The following RNF216 variants were observed in gnomAD, a reference collection of about 807,000 sequenced individuals.
The protein encoded by RNF216 is ring finger protein 216.
In RNF216, 72 loss-of-function variants were observed where a neutral mutation model predicts 110.8. That is an observed-to-expected ratio of 0.65 (90% CI 0.54 to 0.79). The LOEUF (loss-of-function observed/expected upper bound fraction) is 0.79. Among genes scored for constraint, RNF216 ranks in the 30% least tolerant of loss-of-function variants. The probability of loss-of-function intolerance (pLI) is 0.00; values close to 1 mark genes in which losing one functional copy is unlikely to be tolerated. For missense variants in RNF216, 1,342 were observed against 1,141.2 expected, an observed-to-expected ratio of 1.18 and a Z score of -2.54; for synonymous variants, 495 against 407.5, an observed-to-expected ratio of 1.21 and a Z score of -2.59.
At chr7:5,651,956 A>G (rs545597973) in intron 14 of RNF216, among the ~76,000 whole-genome samples, 66 of 152,198 alleles carry the variant, frequency 4.3e-4, no homozygotes, top group Non-Finnish European at 7.9e-4. Flanking sequence ...CTGCATTTTA[A>G]TAAGTGAGTA....
In RNF216 at chr7:5,648,454, G is replaced by A. The variant is rs868201258; in HGVS notation, c.2159+3959C>T. On this transcript the variant is annotated intron_variant, in intron 14 of 16. Transcript: ENST00000389902. ...AAAATTGAAGGGACAGGCCAGGCAC[G>A]GTGGCTCACACCTGTAATCCCAGCA... is the stretch of plus-strand genomic sequence containing the variant. Among the ~76,000 whole-genome samples the A allele has an allele frequency of 8.6e-5, 13 of 151,368 alleles. No homozygotes were observed. In the South Asian group the frequency reaches 2.3e-3, roughly 27 times the overall value.
At chr7:5,660,948 T>TTTTTGTTTTTG (rs1447347265) in intron 13 of RNF216, among the ~76,000 whole-genome samples, 41 of 131,648 alleles carry the variant, frequency 3.1e-4, no homozygotes, top group African/African-American at 1.3e-3. Context: ...CTTAGGTTTT[T>TTTTTGTTTTTG]TTTTTTTTTT....
intron 13 of RNF216, among the ~76,000 whole-genome samples, chr7:5,669,931 CTTT>C (rs546531281): frequency 2.1e-5 from 3 of 143,406 alleles, no homozygotes; most frequent in African/African-American, 7.6e-5. Context: ...TTTGGAAATC[CTTT>C]TTTTTTTTTT....
intron 13 of RNF216, among the ~76,000 whole-genome samples, chr7:5,656,491 C>T (rs774577321): frequency 2.2e-4 from 34 of 152,124 alleles, no homozygotes; most frequent in Non-Finnish European, 3.4e-4. Context: ...TGTGCCTTTC[C>T]GACTGGGGGA....
chr7:5,765,952 C>CAAAAA (rs138328361), intron 1 of RNF216, among the ~76,000 whole-genome samples: 4 of 102,374 alleles, frequency 3.9e-5, no homozygotes, highest in East Asian at 2.6e-4. Flanking sequence ...GACTCTGTCT[C>CAAAAA]AAAAAAAAAA....
chr7:5,763,629 T>TAC (rs1052413629), intron 1 of RNF216, among the ~76,000 whole-genome samples: 3 of 152,084 alleles, frequency 2.0e-5, no homozygotes, highest in African/African-American at 7.2e-5. Context: ...GGAGAGCAGC[T>TAC]ACACGATCAC....
rs372775923 is a variant in RNF216, at chr7:5,624,183, G to A, written c.2383-58C>T. On this transcript the variant is annotated intron_variant, in intron 15 of 16. Coordinates refer to ENST00000389902, the MANE Select transcript of RNF216 (RefSeq NM_207111.4). The surrounding 1 kb of genome is among the most constrained non-coding windows in gnomAD (Gnocchi z 4.4). ...TAGCTTCATGCAGTGCTGAGGCCCC[G>A]TGGGACAGTGAGGAGGCCGCTTGTT... The A allele has an allele frequency of 3.2e-4, 471 of 1,465,696 alleles. 1 individual carries two copies. The highest frequency in any genetic ancestry group is 6.3e-4 in the South Asian group (54 of 86,140). 90.8% of individuals were successfully genotyped at this position (1,465,696 alleles called of 1,614,324 possible).
chr7:5,690,588 G>A (rs1791273110), intron 13 of RNF216, among the ~76,000 whole-genome samples: 1 of 152,168 alleles, frequency 6.6e-6, no homozygotes, highest in Non-Finnish European at 1.5e-5. Flanking sequence ...CATCAGCAGT[G>A]CTTTCCCTGT....
intron 2 of RNF216, among the ~76,000 whole-genome samples, chr7:5,756,762 C>A (rs926884224): frequency 6.6e-6 from 1 of 152,112 alleles, no homozygotes; most frequent in Non-Finnish European, 1.5e-5. Flanking sequence ...GTACCTGGGA[C>A]CTGGTAAACC....
intron 13 of RNF216, among the ~76,000 whole-genome samples, chr7:5,668,670 G>A (rs1789692670): frequency 6.6e-6 from 1 of 152,214 alleles, no homozygotes; most frequent in Admixed American, 6.5e-5. Flanking sequence ...ATGATAAAAA[G>A]TATAGGTGGG....
intron 13 of RNF216, among the ~76,000 whole-genome samples, chr7:5,677,372 T>A (rs958210251): frequency 9.2e-5 from 14 of 152,246 alleles, no homozygotes; most frequent in African/African-American, 3.4e-4. Context: ...ATTGTAAGAC[T>A]GGACTACTAA....
intron 13 of RNF216, among the ~76,000 whole-genome samples, chr7:5,675,050 T>C (rs937025448): frequency 6.6e-6 from 1 of 152,092 alleles, no homozygotes; most frequent in African/African-American, 2.4e-5. Context: ...CGGTACAGAA[T>C]GGCAACTGCT....
At chr7:5,694,004 T>C (rs537822331) in intron 13 of RNF216, among the ~76,000 whole-genome samples, 1 of 152,188 alleles carries the variant, frequency 6.6e-6, no homozygotes, top group South Asian at 2.1e-4. Flanking sequence ...GCAAAGAACA[T>C]GAGAGAAGCA....
intron 13 of RNF216, among the ~76,000 whole-genome samples, chr7:5,690,068 C>G (rs895234827): frequency 6.6e-6 from 1 of 152,062 alleles, no homozygotes; most frequent in Admixed American, 6.5e-5. Context: ...GTGGCTCATG[C>G]CTGTAATCCC....
chr7:5,772,944 A>G (rs567194788), intron 1 of RNF216, among the ~76,000 whole-genome samples: 1 of 151,592 alleles, frequency 6.6e-6, no homozygotes, highest in South Asian at 2.1e-4. Context: ...ATGTCTGGCT[A>G]ATTTTTGTAT....
chr7:5,721,366 C>T (rs146124278), intron 8 of RNF216, among the ~76,000 whole-genome samples, 194 bp from the exon 9 acceptor site: 1 of 152,242 alleles, frequency 6.6e-6, no homozygotes, highest in Non-Finnish European at 1.5e-5. Flanking sequence ...ATTTTTTGAC[C>T]TTTCTGATTC....
At chr7:5,639,395 C>T (rs1787594275) in intron 15 of RNF216, among the ~76,000 whole-genome samples, 1 of 152,180 alleles carries the variant, frequency 6.6e-6, no homozygotes, top group East Asian at 1.9e-4. Flanking sequence ...AGGAGAAACA[C>T]ACTTCTGTTT....
At chr7:5,734,868 A>AT (rs71004694) in intron 5 of RNF216, among the ~76,000 whole-genome samples, 2 of 149,890 alleles carry the variant, frequency 1.3e-5, no homozygotes, top group Non-Finnish European at 3.0e-5. Context: ...AAATAAATAA[A>AT]AGGTTTGCAG....
chr7:5,628,850 G>A (rs1786882556), intron 15 of RNF216, among the ~76,000 whole-genome samples: 1 of 152,130 alleles, frequency 6.6e-6, no homozygotes, highest in Non-Finnish European at 1.5e-5. Flanking sequence ...ATTTGGGGAG[G>A]AAGTTCCTTC....
Sources: allele counts gnomAD v4.1 joint callset (sites outside exome capture counted in the v4.1 genomes callset), GRCh38; gene constraint gnomAD v4.1.1; non-coding constraint Gnocchi (gnomAD v3.1); transcripts MANE v1.5; gene names NCBI Gene and HGNC (gene_info 2026-07-23, HGNC 2026-07-21).